The following NUAK1 variants were observed in gnomAD, a reference collection of about 807,000 sequenced individuals.
NUAK1 encodes NUAK family kinase 1.
In NUAK1, 26 loss-of-function variants were observed where a neutral mutation model predicts 56.9. That is an observed-to-expected ratio of 0.46 (90% confidence interval 0.33 to 0.63). The LOEUF (loss-of-function observed/expected upper bound fraction) is 0.63. Ranked by LOEUF, NUAK1 falls within the 30% of genes least tolerant of loss-of-function variation. The probability of loss-of-function intolerance (pLI) is 0.02; values close to 1 mark genes in which losing one functional copy is unlikely to be tolerated. For missense variants in NUAK1, 727 were observed against 876.1 expected, an observed-to-expected ratio of 0.83 and a Z score of 2.15; for synonymous variants, 337 against 336.0, an observed-to-expected ratio of 1.00 and a Z score of -0.03.
chr12:106,090,738 C>A (rs2032626833), intron 2 of NUAK1, among the ~76,000 whole-genome samples: 1 of 152,176 alleles, frequency 6.6e-6, no homozygotes. Flanking sequence ...GGTGCCCCGG[C>A]CAGTGCTCAA....
rs1030737204 is a variant in NUAK1 at position 106,072,889 on chromosome 12, T to G, written c.580-46A>C. The G allele has an allele frequency of 2.5e-6, 4 of 1,609,680 alleles. No homozygotes were observed. The African/African-American group carries it at 4.0e-5, about 16-fold the overall frequency. The stretch of plus-strand genomic sequence containing the variant: ...CAGGGAGACTTGTTAGCATTCCAGA[T>G]TATGTCTGTGTTGGATCAGTTCACA... On this transcript the variant is annotated intron_variant, in intron 4 of 6. Transcript: ENST00000261402.
chr12:106,092,755 G>T (rs141860147), intron 2 of NUAK1, among the ~76,000 whole-genome samples: 2 of 151,996 alleles, frequency 1.3e-5, no homozygotes, highest in Non-Finnish European at 2.9e-5. Flanking sequence ...ACATCTGTAC[G>T]CATTTTTGTT....
intron 1 of NUAK1, among the ~76,000 whole-genome samples, chr12:106,120,643 G>A (rs765583864): frequency 3.3e-5 from 5 of 152,114 alleles, no homozygotes; most frequent in African/African-American, 4.8e-5. Context: ...AATTGATTTC[G>A]CAGGATGGAA....
chr12:106,083,549 A>G (rs2032540105), intron 4 of NUAK1, among the ~76,000 whole-genome samples: 1 of 152,232 alleles, frequency 6.6e-6, no homozygotes, highest in Non-Finnish European at 1.5e-5. Flanking sequence ...TGAAATATGT[A>G]TTGGTTGCTA....
chr12:106,131,716 T>C (rs1345248139), intron 1 of NUAK1, among the ~76,000 whole-genome samples: 2 of 152,186 alleles, frequency 1.3e-5, no homozygotes, highest in Non-Finnish European at 2.9e-5. Context: ...TGTGTGGACA[T>C]ATGTTTGCAT....
At chr12:106,132,436 C>G (rs961912867) in intron 1 of NUAK1, among the ~76,000 whole-genome samples, 1 of 152,196 alleles carries the variant, frequency 6.6e-6, no homozygotes, top group African/African-American at 2.4e-5. Context: ...GGATTCAAGA[C>G]ACACAGGACA....
chr12:106,108,730 G>T (rs1489411081), intron 1 of NUAK1, among the ~76,000 whole-genome samples: 1 of 152,148 alleles, frequency 6.6e-6, no homozygotes, highest in African/African-American at 2.4e-5. Context: ...GCCTCAAGGA[G>T]GCTCTATTGT....
chr12:106,114,222 G>A (rs2032894476), intron 1 of NUAK1, among the ~76,000 whole-genome samples: 1 of 152,200 alleles, frequency 6.6e-6, no homozygotes, highest in African/African-American at 2.4e-5. Flanking sequence ...GCTTGGATAA[G>A]CTTAAGGTTG....
intron 1 of NUAK1, among the ~76,000 whole-genome samples, 191 bp from the exon 2 acceptor site, chr12:106,106,716 A>G (rs2032805678): frequency 6.6e-6 from 1 of 152,170 alleles, no homozygotes; most frequent in Non-Finnish European, 1.5e-5. Context: ...GCAACAGAAA[A>G]CATCAGGTTT....
chr12:106,125,433 A>G (rs1000975417), intron 1 of NUAK1, among the ~76,000 whole-genome samples: 3 of 152,164 alleles, frequency 2.0e-5, no homozygotes, highest in South Asian at 2.1e-4. Context: ...GTCCAGCCCT[A>G]CATCCTGTGA....
At position 106,072,703 on chromosome 12, in the gene NUAK1, C is replaced by T. The variant is rs771759360; in HGVS notation, c.699+21G>A. ...TCTCCCTCCCCTCCCCTGCCCCATA[C>T]ACATTGGGAAAGCTGCTCACCTCTG... On this transcript the variant is annotated intron_variant, in intron 5 of 6. Transcript: ENST00000261402. 17 of 1,612,046 alleles carry T rather than the reference C, an allele frequency of 1.1e-5. 1 individual carries two copies. Among genetic ancestry groups the T allele is most frequent in the South Asian group, 6.6e-5 (6 of 90,894 alleles).
At chr12:106,137,870 G>A (rs572830506) in intron 1 of NUAK1, among the ~76,000 whole-genome samples, 1 of 152,334 alleles carries the variant, frequency 6.6e-6, no homozygotes, top group Non-Finnish European at 1.5e-5. Context: ...CTCAAAAACA[G>A]GCAAGAGTCG....
intron 1 of NUAK1, among the ~76,000 whole-genome samples, chr12:106,128,234 C>A (rs925389384): frequency 6.6e-6 from 1 of 150,952 alleles, no homozygotes; most frequent in Non-Finnish European, 1.5e-5. Flanking sequence ...CGGGTTCAAG[C>A]GATTCTCCTG....
intron 2 of NUAK1, chr12:106,106,187 T>C (rs746397115): frequency 2.4e-6 from 1 of 416,646 alleles, no homozygotes. Context: ...CAGAATAAGG[T>C]ATCCGCCAGA....
Position 106,063,809 on chromosome 12 carries a change from T to C in NUAK1, c.*2993A>G, listed in dbSNP as rs1413109973. ...AAGCAGTCAGTCGATCATTCACATT[T>C]GTACTCAAGACAGCAGGCCTGGGCA... On this transcript the variant is annotated 3_prime_UTR_variant, in exon 7 of 7. Coordinates refer to ENST00000261402, the MANE Select transcript of NUAK1 (RefSeq NM_014840.3). 4 of 152,526 alleles carry C rather than the reference T, an allele frequency of 2.6e-5. No homozygotes were observed. The highest frequency in any genetic ancestry group is 7.2e-5 in the African/African-American group (3 of 41,404). 9.4% of individuals were successfully genotyped at this position (152,526 alleles called of 1,614,324 possible).
chr12:106,089,351 T>C (rs117454616), intron 2 of NUAK1, among the ~76,000 whole-genome samples: 3,518 of 152,290 alleles, frequency 0.023, 59 homozygotes, highest in Non-Finnish European at 0.028. Context: ...AGAAGGGCTG[T>C]TTCAGTGGCT....
intron 1 of NUAK1, among the ~76,000 whole-genome samples, chr12:106,111,369 G>C (rs975091481): frequency 9.9e-5 from 15 of 152,104 alleles, no homozygotes; most frequent in Admixed American, 6.5e-4. Flanking sequence ...CCAGCCCCAG[G>C]GTGTCCTGGT....
intron 2 of NUAK1, 133 bp from the exon 3 acceptor site, chr12:106,087,018 A>T: frequency 8.9e-7 from 1 of 1,128,362 alleles, no homozygotes; most frequent in Non-Finnish European, 1.3e-6. Context: ...AACACAAATC[A>T]GCCAATTCAG....
intron 1 of NUAK1, among the ~76,000 whole-genome samples, chr12:106,136,236 T>C (rs1213799638): frequency 1.3e-5 from 2 of 152,190 alleles, no homozygotes; most frequent in Admixed American, 1.3e-4. Context: ...CTTTACATAA[T>C]TTTGGGGTAA....
Sources: gnomAD v4.1 joint callset for allele counts (sites outside exome capture counted in the v4.1 genomes callset) on GRCh38, gnomAD v4.1.1 for gene constraint, MANE v1.5 for transcripts, NCBI Gene and HGNC (gene_info 2026-07-23, HGNC 2026-07-21) for gene names.